CAPN1: variants seen among roughly 807,000 people sequenced by gnomAD.
The protein encoded by CAPN1 is calpain 1.
A neutral mutation model predicts 105.2 loss-of-function variants in CAPN1; 77 were observed. That is an observed-to-expected ratio of 0.73 (90% CI 0.61 to 0.88). The LOEUF is 0.88. Among genes scored for constraint, CAPN1 ranks in the 40% least tolerant of loss-of-function variants. The pLI, the probability that CAPN1 is intolerant of heterozygous loss-of-function variation, is 0.00. For missense variants in CAPN1, 833 were observed against 976.6 expected (o/e 0.85, Z 1.96); for synonymous variants, 355 against 388.8 (o/e 0.91, Z 1.02).
chr11:65,183,916 T>G (rs946257080), intron 4 of CAPN1, among the ~76,000 whole-genome samples: 1 of 152,170 alleles, frequency 6.6e-6, no homozygotes, highest in African/African-American at 2.4e-5. Flanking sequence ...AAAGGAGTGT[T>G]CGCTGGGGAA....
chr11:65,202,823 T>C (rs1948890934), intron 10 of CAPN1, among the ~76,000 whole-genome samples: 1 of 152,158 alleles, frequency 6.6e-6, no homozygotes, highest in Admixed American at 6.6e-5. Context: ...TGTGCAACCA[T>C]CACCACATCA....
At chr11:65,206,246 T>C in intron 12 of CAPN1, 2 of 590,104 alleles carry the variant, frequency 3.4e-6, no homozygotes, top group Middle Eastern at 9.0e-4. Flanking sequence ...GGTGCTCCTC[T>C]CCTCTACCCT....
At chr11:65,183,010 C>T in intron 2 of CAPN1, 42 bp downstream of exon 2, 1 of 1,611,566 alleles carries the variant, frequency 6.2e-7, no homozygotes, top group Non-Finnish European at 8.5e-7. Flanking sequence ...TAAGCCAGAT[C>T]CTGGATGAGG....
chr11:65,190,687 GT>G (rs1029127981), intron 10 of CAPN1, among the ~76,000 whole-genome samples: 1 of 150,088 alleles, frequency 6.7e-6, no homozygotes, highest in Non-Finnish European at 1.5e-5. Context: ...TCTCTTAGCT[GT>G]TTTTTTTGTT....
chr11:65,182,681 C>A lies in CAPN1; in HGVS notation c.-1-20C>A. On this transcript the variant is annotated intron_variant, in intron 1 of 21. Coordinates refer to ENST00000279247, the MANE Select transcript of CAPN1 (RefSeq NM_005186.4). ...GTCTTGGGAAGGCCTGGGTTCTGAG[C>A]AGGCCCATCTGTCCGGCAGGATGTC... 1 of 1,519,496 alleles carries A rather than the reference C, an allele frequency of 6.6e-7. No homozygotes were observed. The highest frequency in any genetic ancestry group is 8.8e-7 in the Non-Finnish European group (1 of 1,132,610). The allele number at this position is 1,519,496 out of a possible 1,614,324, so 94.1% of individuals were successfully genotyped here.
In CAPN1 at chr11:65,208,034, T is replaced by C; in HGVS notation, c.1606-21T>C. 1 of 1,570,590 alleles carries C rather than the reference T, an allele frequency of 6.4e-7. No individual in the cohort carries two copies. The stretch of plus-strand genomic sequence containing the variant: ...CAGGGCCGGGGCCTCTCTTACCTGC[T>C]TTCTCCCCTTCTCGGTCCAGCAAGT... On this transcript the variant is annotated intron_variant, in intron 14 of 21. Transcript: ENST00000279247. This position sits in a 1 kb window ranked among gnomAD's most constrained non-coding sequence, Gnocchi z 4.1.
At chr11:65,206,957 G>T (rs1288712123) in intron 14 of CAPN1, 138 bp downstream of exon 14, 1 of 763,576 alleles carries the variant, frequency 1.3e-6, no homozygotes, top group Admixed American at 2.7e-5. Context: ...TAGGAGTAGT[G>T]CTAATCCCTC....
chr11:65,201,556 C>T (rs999881390), intron 10 of CAPN1, among the ~76,000 whole-genome samples: 3 of 152,032 alleles, frequency 2.0e-5, no homozygotes, highest in Admixed American at 6.6e-5. Context: ...CTCGCTCTGT[C>T]GCCCAGGCTT....
intron 10 of CAPN1, among the ~76,000 whole-genome samples, chr11:65,195,215 T>C (rs1187874113): frequency 1.3e-5 from 2 of 151,552 alleles, no homozygotes; most frequent in Admixed American, 1.3e-4. Flanking sequence ...GTTCAAGTGA[T>C]TCTCCTGCCT....
intron 12 of CAPN1, 65 bp downstream of exon 12, chr11:65,205,786 C>G: frequency 6.7e-7 from 1 of 1,482,464 alleles, no homozygotes; most frequent in Non-Finnish European, 9.4e-7. Context: ...GGGAGCAACC[C>G]AGTGGCAAAC....
chr11:65,194,505 C>T (rs768087722), intron 10 of CAPN1, among the ~76,000 whole-genome samples: 62 of 152,116 alleles, frequency 4.1e-4, no homozygotes, highest in African/African-American at 1.4e-3. Flanking sequence ...GTACCCACAG[C>T]GTTGTGTAAG....
intron 10 of CAPN1, among the ~76,000 whole-genome samples, chr11:65,201,684 A>AT (rs1342531764): frequency 6.6e-6 from 1 of 150,780 alleles, no homozygotes; most frequent in Non-Finnish European, 1.5e-5. Context: ...CGCCCGGCTA[A>AT]TTTTTTTGTA....
intron 3 of CAPN1, 33 bp from the exon 4 acceptor site, chr11:65,183,441 A>G: frequency 6.6e-7 from 1 of 1,517,878 alleles, no homozygotes; most frequent in Non-Finnish European, 9.1e-7. Context: ...GCAGGTTGGT[A>G]GAGCAGGCTA....
intron 10 of CAPN1, chr11:65,203,341 C>G (rs1231842127): frequency 6.6e-6 from 1 of 152,104 alleles, no homozygotes; most frequent in East Asian, 1.9e-4. Context: ...AGGCATGTGC[C>G]ACCACGCCCA....
chr11:65,184,440 C>G (rs1210954772), intron 4 of CAPN1, among the ~76,000 whole-genome samples: 1 of 120,370 alleles, frequency 8.3e-6, no homozygotes, highest in East Asian at 3.2e-4. Context: ...GCCACCCACA[C>G]TCTCCGCAAC....
chr11:65,201,745 C>A (rs1400123974), intron 10 of CAPN1, among the ~76,000 whole-genome samples: 1 of 151,928 alleles, frequency 6.6e-6, no homozygotes, highest in East Asian at 1.9e-4. Flanking sequence ...GTCTCGATCT[C>A]CTGACCTCGT....
chr11:65,184,731 AG>A (rs1286062056), intron 4 of CAPN1, among the ~76,000 whole-genome samples: 1 of 152,188 alleles, frequency 6.6e-6, no homozygotes, highest in African/African-American at 2.4e-5. Flanking sequence ...GGGAAGAGCC[AG>A]GGGGCCATGG....
rs1949039687 is a variant in CAPN1 at position 65,210,958 on chromosome 11, G to A, written c.2118+86G>A. The A allele has an allele frequency of 4.0e-6, 5 of 1,238,920 alleles. No homozygotes were observed. The highest frequency in any genetic ancestry group is 3.6e-6 in the Non-Finnish European group (3 of 839,840). 76.7% of individuals were successfully genotyped at this position (1,238,920 alleles called of 1,614,324 possible). On this transcript the variant is annotated intron_variant, in intron 21 of 21. Transcript: ENST00000279247. This position sits in a 1 kb window ranked among gnomAD's most constrained non-coding sequence, Gnocchi z 4.3. ...TGGCCAGTGTTCCCTGTCCTTTCCT[G>A]GAAATGAGCCTGGGCCTCAGAGCCA...
In CAPN1 at chr11:65,183,454, G is replaced by A. The variant is rs754347903; in HGVS notation, c.338-20G>A. The A allele has an allele frequency of 6.4e-7, 1 of 1,569,592 alleles. No homozygotes were observed. Among genetic ancestry groups the A allele is most frequent in the Admixed American group, 1.7e-5 (1 of 59,830 alleles). On this transcript the variant is annotated intron_variant, in intron 3 of 21. Transcript: ENST00000279247. Reference sequence around the variant, plus strand: ...GGGCAGGTTGGTAGAGCAGGCTAATGTGCATCCCTCCTGCCCCAGGGGACT... The same window carrying A: ...GGGCAGGTTGGTAGAGCAGGCTAATATGCATCCCTCCTGCCCCAGGGGACT...
Sources: allele counts gnomAD v4.1 joint callset (sites outside exome capture counted in the v4.1 genomes callset), GRCh38; gene constraint gnomAD v4.1.1; non-coding constraint Gnocchi (gnomAD v3.1); transcripts MANE v1.5; gene names NCBI Gene and HGNC (gene_info 2026-07-23, HGNC 2026-07-21).